Variants in MTIF3 observed in about 807,000 individuals in gnomAD.
MTIF3 encodes translation initiation factor IF-3, mitochondrial.
Under a neutral mutation model 20.7 loss-of-function variants are expected in MTIF3, and 13 were observed. The observed-to-expected ratio is 0.63, with a 90% confidence interval of 0.41 to 1.00. The LOEUF (loss-of-function observed/expected upper bound fraction) is 1.00. Ranked by LOEUF, MTIF3 falls within the 50% of genes least tolerant of loss-of-function variation. The pLI is 0.00. For synonymous variants in MTIF3, 114 were observed against 112.5 expected (o/e 1.01, Z -0.08); for missense variants, 295 against 324.5 (o/e 0.91, Z 0.70).
rs141555393 is a variant in MTIF3 at position 27,448,571 on chromosome 13, C to G, written c.-71+1938G>C. On this transcript the variant is annotated intron_variant, in intron 1 of 4. Coordinates refer to ENST00000381120, the MANE Select transcript of MTIF3 (RefSeq NM_152912.5). Reference sequence around the variant, plus strand: ...CCATAGGGAGCACAAAGTGTACTCTCCATAATGAGGCTGAGCTGTTTACGT... The same window carrying G: ...CCATAGGGAGCACAAAGTGTACTCTGCATAATGAGGCTGAGCTGTTTACGT... Among the ~76,000 whole-genome samples the G allele has an allele frequency of 2.3e-3, 348 of 152,284 alleles. 1 individual carries two copies. Among genetic ancestry groups the G allele is most frequent in the Non-Finnish European group, 3.9e-3 (265 of 68,030 alleles).
chr13:27,440,537 G>T, intron 2 of MTIF3, 88 bp from the exon 3 acceptor site: 1 of 1,046,158 alleles, frequency 9.6e-7, no homozygotes, highest in Non-Finnish European at 1.4e-6. Context: ...TGTGTGTGAG[G>T]TTGTGGAGGC....
intron 1 of MTIF3, chr13:27,449,733 G>A (rs1220211801): frequency 1.3e-5 from 2 of 152,204 alleles, no homozygotes; most frequent in Non-Finnish European, 2.9e-5. Flanking sequence ...CTACGAAGCA[G>A]GAACAAAATG....
chr13:27,446,305 G>A (rs1954180396), intron 1 of MTIF3, among the ~76,000 whole-genome samples: 1 of 152,172 alleles, frequency 6.6e-6, no homozygotes, highest in East Asian at 1.9e-4. Context: ...TGATCCACCT[G>A]CCTTGGCCTC....
At chr13:27,443,625 G>A (rs1954073942) in intron 2 of MTIF3, among the ~76,000 whole-genome samples, 1 of 152,116 alleles carries the variant, frequency 6.6e-6, no homozygotes, top group African/African-American at 2.4e-5. Flanking sequence ...CTGCAATTAA[G>A]CTTTAATACT....
At chr13:27,436,002 G>A (rs912696891) in intron 4 of MTIF3, 109 bp from the exon 5 acceptor site, 15 of 799,738 alleles carry the variant, frequency 1.9e-5, no homozygotes, top group Non-Finnish European at 2.6e-5. Flanking sequence ...TGCTGCTGTC[G>A]GTTAAGTGAT....
At chr13:27,438,138 T>C (rs1953854008) in intron 3 of MTIF3, among the ~76,000 whole-genome samples, 1 of 152,118 alleles carries the variant, frequency 6.6e-6, no homozygotes, top group Non-Finnish European at 1.5e-5. Context: ...ACACTGCTGC[T>C]GAGCAGTTTG....
chr13:27,437,328 G>C, intron 3 of MTIF3, 55 bp from the exon 4 acceptor site: 1 of 1,497,724 alleles, frequency 6.7e-7, no homozygotes, highest in Non-Finnish European at 9.0e-7. Context: ...TGTGAACCCT[G>C]AACTTCCCAA....
chr13:27,444,041 C>T (rs527784526), intron 2 of MTIF3, among the ~76,000 whole-genome samples: 5 of 152,118 alleles, frequency 3.3e-5, no homozygotes, highest in Non-Finnish European at 5.9e-5. Context: ...CAGTGGCTCA[C>T]GCCTGTAACC....
At chr13:27,440,899 A>C (rs962958673) in intron 2 of MTIF3, 3 of 173,208 alleles carry the variant, frequency 1.7e-5, no homozygotes, top group Non-Finnish European at 3.8e-5. Context: ...TAACATAAGC[A>C]GTTGATTAAC....
chr13:27,439,183 GA>G (rs2138089681), intron 3 of MTIF3, among the ~76,000 whole-genome samples: 1 of 152,292 alleles, frequency 6.6e-6, no homozygotes, highest in East Asian at 1.9e-4. Context: ...GATGCTCTGT[GA>G]ATCACTTCAG....
intron 2 of MTIF3, among the ~76,000 whole-genome samples, chr13:27,444,446 A>G (rs990517424): frequency 2.6e-5 from 4 of 152,264 alleles, no homozygotes; most frequent in Admixed American, 2.6e-4. Context: ...AAGCTTTAAT[A>G]CTAACTCAAT....
chr13:27,435,860 G>T lies in MTIF3; in HGVS notation c.652C>A (p.Pro218Thr). 1 of 1,613,038 alleles carries T rather than the reference G, an allele frequency of 6.2e-7. No individual in the cohort carries two copies. ...EIFHQILQTM[P>T]GIATFSSRPQ... ...CTAGATGAGAATGTAGCTATTCCAG[G>T]CATAGTCTGGAGTATTTGATGAAAT... Residue 218 changes from proline (P) to threonine (T), a missense_variant, in exon 5 of 5, where the codon CCT (proline) becomes ACT (threonine). Physicochemically the swap from Pro to Thr is conservative, Grantham distance 38 (BLOSUM62 -1). Coordinates refer to ENST00000381120, the MANE Select transcript of MTIF3 (RefSeq NM_152912.5).
chr13:27,440,191 A>T lies in MTIF3; in HGVS notation c.258T>A (p.Val86=). The change falls in exon 3 of 5, where the codon GTT becomes GTA. Residue 86 remains valine (V), a synonymous_variant. Coordinates refer to ENST00000381120, the MANE Select transcript of MTIF3 (RefSeq NM_152912.5). ...SNVGRKISQR[V]IHLFDEKGND... is the part of the protein sequence containing the mutation. ...TGCCCTTCTCATCAAATAAGTGAAT[A>T]ACTCGCTGACTAATTTTTCTTCCAA... The T allele has an allele frequency of 6.2e-7, 1 of 1,614,210 alleles. No homozygotes were observed. Among genetic ancestry groups the T allele is most frequent in the Non-Finnish European group, 8.5e-7 (1 of 1,180,046 alleles).
At position 27,440,104 on chromosome 13, in the gene MTIF3, T is replaced by A; in HGVS notation, c.345A>T (p.Arg115=). 6.2e-7 allele frequency: 1 copy of A among 1,614,230 alleles called. No individual in the cohort carries two copies. Among genetic ancestry groups the A allele is most frequent in the Non-Finnish European group, 8.5e-7 (1 of 1,180,050 alleles). ...CTGTGCTGGTGTTCCTTTGAACCAG[T>A]CGCAGGTCTCGCTCATCCATAAGTC... The part of the protein sequence containing the change: ...VIRLMDERDL[R]LVQRNTSTEP... The change falls in exon 3 of 5, where the codon CGA becomes CGT. Residue 115 remains arginine (R), a synonymous_variant. Coordinates refer to ENST00000381120, the MANE Select transcript of MTIF3 (RefSeq NM_152912.5).
chr13:27,444,052 C>T lies in MTIF3; in HGVS notation c.-2+1036G>A, dbSNP rs183526164. 6.8e-3 allele frequency among the ~76,000 whole-genome samples: 1,037 copies of T among 152,130 alleles called. 4 individuals carry two copies. Among genetic ancestry groups the T allele is most frequent in the Admixed American group, 9.4e-3 (143 of 15,280 alleles). The stretch of plus-strand genomic sequence containing the variant: ...GGTGCAGTGGCTCACGCCTGTAACC[C>T]CAGCACTTTGGGAGGCTGAGGTGGG... On this transcript the variant is annotated intron_variant, in intron 2 of 4. Transcript: ENST00000381120.
intron 2 of MTIF3, among the ~76,000 whole-genome samples, chr13:27,441,467 G>C (rs1264170502): frequency 6.6e-6 from 1 of 152,214 alleles, no homozygotes; most frequent in Non-Finnish European, 1.5e-5. Flanking sequence ...AAATCAAAGT[G>C]CTAACCTCAT....
At chr13:27,449,169 C>T (rs1418652168) in intron 1 of MTIF3, among the ~76,000 whole-genome samples, 2 of 152,218 alleles carry the variant, frequency 1.3e-5, no homozygotes, top group African/African-American at 2.4e-5. Flanking sequence ...ACACCTTTGA[C>T]GCCTCCACTT....
At chr13:27,443,003 C>T (rs1477171078) in intron 2 of MTIF3, among the ~76,000 whole-genome samples, 3 of 152,226 alleles carry the variant, frequency 2.0e-5, no homozygotes, top group Non-Finnish European at 2.9e-5. Flanking sequence ...AATGAATGCA[C>T]GGGCCGAAGG....
chr13:27,450,262 G>C (rs888041162), intron 1 of MTIF3: 1 of 152,314 alleles, frequency 6.6e-6, no homozygotes, highest in South Asian at 2.1e-4. Flanking sequence ...GCTCAGTGGG[G>C]CTGGCGGCAA....
Sources: allele counts gnomAD v4.1 joint callset (sites outside exome capture counted in the v4.1 genomes callset), GRCh38; gene constraint gnomAD v4.1.1; transcripts MANE v1.5; gene names NCBI Gene and HGNC (gene_info 2026-07-23, HGNC 2026-07-21).